DYNC1LI2: variants seen among roughly 807,000 people sequenced by gnomAD.
DYNC1LI2 encodes dynein cytoplasmic 1 light intermediate chain 2, also known as cytoplasmic dynein 1 light intermediate chain 2.
DYNC1LI2 carries 19 observed loss-of-function variants against 57.8 expected under a neutral mutation model. That is an observed-to-expected ratio of 0.33 (90% CI 0.23 to 0.48). The LOEUF is 0.48. DYNC1LI2 is among the 20% of genes least tolerant of loss of function. The pLI, the probability that DYNC1LI2 is intolerant of heterozygous loss-of-function variation, is 0.99. For missense variants in DYNC1LI2, 470 were observed against 604.2 expected (o/e 0.78, Z 2.33); for synonymous variants, 256 against 233.4 (o/e 1.10, Z -0.88).
chr16:66,746,533 A>G (rs1205222597), intron 3 of DYNC1LI2, among the ~76,000 whole-genome samples: 1 of 152,254 alleles, frequency 6.6e-6, no homozygotes, highest in Non-Finnish European at 1.5e-5. Context: ...GCAGAGACCA[A>G]GAAGTTTTTA....
chr16:66,730,422 A>T, intron 7 of DYNC1LI2, 199 bp from the exon 8 acceptor site: 1 of 488,522 alleles, frequency 2.0e-6, no homozygotes, highest in Non-Finnish European at 3.6e-6. Context: ...GTCCTGCTCC[A>T]TACTGAGTTC....
intron 5 of DYNC1LI2, among the ~76,000 whole-genome samples, chr16:66,735,020 A>G (rs957693218): frequency 3.3e-5 from 5 of 150,738 alleles, no homozygotes; most frequent in African/African-American, 1.2e-4. Context: ...AAAAAAAAAA[A>G]AAGTTTTAAA....
At chr16:66,728,167 G>A (rs1442292320) in intron 10 of DYNC1LI2, 34 bp downstream of exon 10, 2 of 1,613,568 alleles carry the variant, frequency 1.2e-6, no homozygotes, top group Non-Finnish European at 1.7e-6. Context: ...CACAACACTG[G>A]GCCTTGACCC....
intron 7 of DYNC1LI2, chr16:66,731,094 C>CAG (rs2017627767): frequency 6.6e-6 from 1 of 152,264 alleles, no homozygotes; most frequent in African/African-American, 2.4e-5. Flanking sequence ...AGAGAGGTAA[C>CAG]TACCAACAGG....
chr16:66,741,081 A>G (rs2017828387), intron 4 of DYNC1LI2, among the ~76,000 whole-genome samples: 1 of 140,760 alleles, frequency 7.1e-6, no homozygotes, highest in African/African-American at 3.2e-5. Context: ...CTGGTACAGT[A>G]TAGGGCAGAC....
At chr16:66,749,154 T>A (rs1208433842) in intron 3 of DYNC1LI2, 43 bp downstream of exon 3, 1 of 1,594,018 alleles carries the variant, frequency 6.3e-7, no homozygotes, top group South Asian at 1.1e-5. Flanking sequence ...GCAGTCAGAG[T>A]CCTGCATACA....
Position 66,721,877 on chromosome 16 carries a change from C to T in DYNC1LI2, c.*1845G>A, listed in dbSNP as rs923733013. On this transcript the variant is annotated 3_prime_UTR_variant, in exon 13 of 13. Coordinates refer to ENST00000258198, the MANE Select transcript of DYNC1LI2 (RefSeq NM_006141.3). ...TTTCTGAGGTCACTCATTTTACTCC[C>T]GGGGACTAAGCGACCCCACCTTTAG... 2.0e-5 allele frequency: 3 copies of T among 152,470 alleles called. No individual in the cohort carries two copies. The highest frequency in any genetic ancestry group is 7.2e-5 in the African/African-American group (3 of 41,550). The allele number at this position is 152,470 out of a possible 1,614,324, so 9.4% of individuals were successfully genotyped here.
At chr16:66,726,074 G>A (rs1332360434) in intron 11 of DYNC1LI2, 130 bp from the exon 12 acceptor site, 4 of 863,746 alleles carry the variant, frequency 4.6e-6, no homozygotes, top group African/African-American at 1.7e-5. Context: ...ACATTCATTC[G>A]CTACGATGCC....
Position 66,728,093 on chromosome 16 carries a change from T to A in DYNC1LI2, c.1143+108A>T, listed in dbSNP as rs2017567992. 3 of 1,471,692 alleles carry A rather than the reference T, an allele frequency of 2.0e-6. No individual in the cohort carries two copies. The South Asian group carries it at 3.6e-5, about 18-fold the overall frequency. 91.2% of individuals were successfully genotyped at this position (1,471,692 alleles called of 1,614,324 possible). A position where few individuals can be genotyped will look rare whatever the true frequency, so the allele number is the denominator to read the frequency against. On this transcript the variant is annotated intron_variant, in intron 10 of 12. Coordinates refer to ENST00000258198, the MANE Select transcript of DYNC1LI2 (RefSeq NM_006141.3). The stretch of plus-strand genomic sequence containing the variant: ...GTCTTTAGGGAAACCAAATTCCCAC[T>A]GAAAATACAAAACCCACACAAATAT...
intron 3 of DYNC1LI2, among the ~76,000 whole-genome samples, chr16:66,745,803 C>A (rs1232428074): frequency 6.6e-6 from 1 of 151,792 alleles, no homozygotes; most frequent in African/African-American, 2.4e-5. Context: ...ACTCGGGAGA[C>A]TGAGGAGGGA....
intron 4 of DYNC1LI2, among the ~76,000 whole-genome samples, chr16:66,740,572 C>G (rs567944597): frequency 1.3e-5 from 2 of 152,308 alleles, no homozygotes; most frequent in African/African-American, 4.8e-5. Context: ...CCTACGGTGT[C>G]CTCTCTCCTC....
Position 66,751,187 on chromosome 16 carries a change from G to C in DYNC1LI2, c.181+86C>G. The C allele has an allele frequency of 1.4e-6, 2 of 1,449,176 alleles. No homozygotes were observed. Among genetic ancestry groups the C allele is most frequent in the African/African-American group, 1.4e-5 (1 of 69,322 alleles). 89.8% of individuals were successfully genotyped at this position (1,449,176 alleles called of 1,614,324 possible). A position where few individuals can be genotyped will look rare whatever the true frequency, so the allele number is the denominator to read the frequency against. On this transcript the variant is annotated intron_variant, in intron 2 of 12. Transcript: ENST00000258198. This position sits in a 1 kb window ranked among gnomAD's most constrained non-coding sequence, Gnocchi z 5.2. The stretch of plus-strand genomic sequence containing the variant: ...CCGCCAGGCTGCGGGCAGGCGGCTG[G>C]AACGGGGAAGGCGGGGACCTGAGGG...
Position 66,723,550 on chromosome 16 carries a change from A to G in DYNC1LI2, c.*172T>C. ...AAAGGGTCTGACATGTAACCTTCCT[A>G]AATGTGCATTTCACACTCGGACAAG... On this transcript the variant is annotated 3_prime_UTR_variant, in exon 13 of 13. Coordinates refer to ENST00000258198, the MANE Select transcript of DYNC1LI2 (RefSeq NM_006141.3). The G allele has an allele frequency of 1.5e-6, 1 of 668,938 alleles. No homozygotes were observed. The highest frequency in any genetic ancestry group is 1.6e-5 in the South Asian group (1 of 60,996). The allele number at this position is 668,938 out of a possible 1,614,324, so 41.4% of individuals were successfully genotyped here. A position where few individuals can be genotyped will look rare whatever the true frequency, so the allele number is the denominator to read the frequency against.
At chr16:66,735,242 C>G (rs1046191466) in intron 5 of DYNC1LI2, among the ~76,000 whole-genome samples, 7 of 151,460 alleles carry the variant, frequency 4.6e-5, no homozygotes, top group African/African-American at 1.7e-4. Context: ...GCTGGGATGA[C>G]AGGCACCTGC....
intron 12 of DYNC1LI2, among the ~76,000 whole-genome samples, chr16:66,724,195 A>C (rs1049964669): frequency 2.0e-5 from 3 of 152,138 alleles, no homozygotes; most frequent in Non-Finnish European, 4.4e-5. Context: ...GAAGGAAACT[A>C]TTTTCTTTGC....
At chr16:66,730,250 T>A (rs1284005694) in intron 7 of DYNC1LI2, 27 bp from the exon 8 acceptor site, 1 of 1,599,416 alleles carries the variant, frequency 6.3e-7, no homozygotes, top group Non-Finnish European at 8.5e-7. Context: ...AGGGACTGAA[T>A]TGCTTTTCCT....
intron 3 of DYNC1LI2, among the ~76,000 whole-genome samples, chr16:66,745,236 C>G (rs2017914425): frequency 6.6e-6 from 1 of 151,890 alleles, no homozygotes. Flanking sequence ...TGAGAACTAT[C>G]ATCAAAAATA....
At chr16:66,736,278 CATAA>C (rs2017733258) in intron 4 of DYNC1LI2, 34 bp from the exon 5 acceptor site, 1 of 1,603,324 alleles carries the variant, frequency 6.2e-7, no homozygotes, top group South Asian at 1.1e-5. Flanking sequence ...ATCACATGCA[CATAA>C]ATAAAAATAC....
chr16:66,734,315 C>T lies in DYNC1LI2; in HGVS notation c.700-4G>A, dbSNP rs2144983276. On this transcript the variant is annotated splice_region_variant and splice_polypyrimidine_tract_variant and intron_variant, in intron 5 of 12. Transcript: ENST00000258198. ...CCAGGACACTCACCGCATCACACTG[C>T]AGGGAAGACAGACAGAGTCACCTTT... 4 of 1,613,862 alleles carry T rather than the reference C, an allele frequency of 2.5e-6. No individual in the cohort carries two copies. The highest frequency in any genetic ancestry group is 4.5e-5 in the East Asian group (2 of 44,878).
Sources: gnomAD v4.1 joint callset for allele counts (sites outside exome capture counted in the v4.1 genomes callset) on GRCh38, gnomAD v4.1.1 for gene constraint, Gnocchi (gnomAD v3.1) non-coding constraint, MANE v1.5 for transcripts, NCBI Gene and HGNC (gene_info 2026-07-23, HGNC 2026-07-21) for gene names.